CNOT4: variants seen among roughly 807,000 people sequenced by gnomAD.
CNOT4 encodes CCR4-associated factor 4.
A neutral mutation model predicts 73.8 loss-of-function variants in CNOT4; 8 were observed. The ratio of observed to expected loss-of-function variants is 0.11; its 90% confidence interval spans 0.06 to 0.20. The LOEUF (loss-of-function observed/expected upper bound fraction) is 0.20. CNOT4 is among the 10% of genes least tolerant of loss of function. The pLI is 1.00. For missense variants in CNOT4, 564 were observed against 883.4 expected, an observed-to-expected ratio of 0.64 and a Z score of 4.58; for synonymous variants, 293 against 321.1, an observed-to-expected ratio of 0.91 and a Z score of 0.94.
In CNOT4 at chr7:135,394,356, T is replaced by G. The variant is rs772284416; in HGVS notation, c.1189A>C (p.Lys397Gln). 1 of 1,614,058 alleles carries G rather than the reference T, an allele frequency of 6.2e-7. No homozygotes were observed. Among genetic ancestry groups the G allele is most frequent in the Non-Finnish European group, 8.5e-7 (1 of 1,179,896 alleles). Residue 397 changes from lysine to glutamine, a missense_variant, in exon 10 of 12, where the codon AAA (lysine) becomes CAA (glutamine). By Grantham distance (53) the Lys-to-Gln change is moderately conservative (BLOSUM62 1). This residue lies in a region of CNOT4 where 14 missense variants were observed against 60.4 expected (regional missense o/e 0.23). Transcript: ENST00000541284. Reference protein sequence around the residue: ...WQAAFGFGSSKQPEDDLGFDP... With the variant: ...WQAAFGFGSSQQPEDDLGFDP... ...AAACCCAAGTCATCCTCTGGTTGTTTAGAAGAACCAAAGCCAAAAGCTGCT... is the reference window on the plus strand; with the variant it reads ...AAACCCAAGTCATCCTCTGGTTGTTGAGAAGAACCAAAGCCAAAAGCTGCT...
chr7:135,389,381 C>CT (rs34780808), intron 10 of CNOT4, among the ~76,000 whole-genome samples: 17,457 of 151,906 alleles, frequency 0.11, 1,190 homozygotes, highest in African/African-American at 0.19. Flanking sequence ...TAAATATTAA[C>CT]TAGTAAATTA....
intron 10 of CNOT4, among the ~76,000 whole-genome samples, chr7:135,370,707 A>G (rs762265167): frequency 3.9e-5 from 6 of 152,228 alleles, no homozygotes; most frequent in Non-Finnish European, 7.3e-5. Context: ...AGAGCTGGAA[A>G]GTGACTTTCC....
At chr7:135,365,291 A>C (rs1215180851) in intron 10 of CNOT4, among the ~76,000 whole-genome samples, 1 of 152,192 alleles carries the variant, frequency 6.6e-6, no homozygotes, top group Admixed American at 6.5e-5. Flanking sequence ...AAGATGAAGA[A>C]AAAGCACTCT....
rs79721774 is a variant in CNOT4 at position 135,421,982 on chromosome 7, G to A, written c.372+174C>T. On this transcript the variant is annotated intron_variant, in intron 3 of 11. Transcript: ENST00000541284. The stretch of plus-strand genomic sequence containing the variant: ...AAGAAAGATTAAGACACTTGCCTAA[G>A]ATCACGACTGGTCATTGGTTTCTTA... Among the ~76,000 whole-genome samples the A allele has an allele frequency of 4.5e-4, 68 of 152,294 alleles. 1 individual carries two copies. The East Asian group carries it at 9.4e-3, about 21-fold the overall frequency.
chr7:135,368,752 C>G (rs567024953), intron 10 of CNOT4, among the ~76,000 whole-genome samples: 4 of 152,270 alleles, frequency 2.6e-5, no homozygotes, highest in African/African-American at 9.6e-5. Flanking sequence ...ACTAGTCCAA[C>G]TGTTTACTAG....
At chr7:135,471,168 T>C (rs1227434806) in intron 1 of CNOT4, among the ~76,000 whole-genome samples, 2 of 151,988 alleles carry the variant, frequency 1.3e-5, no homozygotes, top group Non-Finnish European at 2.9e-5. Context: ...ACCTTGCAAC[T>C]CTAAACTCTG....
chr7:135,378,459 G>A (rs1471692447), intron 10 of CNOT4, among the ~76,000 whole-genome samples: 5 of 151,464 alleles, frequency 3.3e-5, no homozygotes, highest in South Asian at 4.2e-4. Context: ...AGCCGACGTC[G>A]CACCACTGCC....
Position 135,384,839 on chromosome 7 carries a change from T to C in CNOT4, c.1627+9079A>G, listed in dbSNP as rs1796043007. ...TTGTCTCTTCAACTTTGTTGTCAAA[T>C]GTCTTAACACTAAGTAGTCAATGAT... On this transcript the variant is annotated intron_variant, in intron 10 of 11. Transcript: ENST00000541284. 7 of 699,996 alleles carry C rather than the reference T, an allele frequency of 1.0e-5. No homozygotes were observed. In the Admixed American group the frequency reaches 1.0e-4, roughly 10 times the overall value. 43.4% of individuals were successfully genotyped at this position (699,996 alleles called of 1,614,324 possible).
At chr7:135,387,708 C>A in intron 10 of CNOT4, 2 of 984,646 alleles carry the variant, frequency 2.0e-6, no homozygotes, top group Non-Finnish European at 2.4e-6. Flanking sequence ...AAACTAAGTA[C>A]AGTTTCTTTT....
At chr7:135,369,870 A>G (rs946242006) in intron 10 of CNOT4, among the ~76,000 whole-genome samples, 2 of 152,264 alleles carry the variant, frequency 1.3e-5, no homozygotes, top group African/African-American at 4.8e-5. Context: ...AAGTGACTCA[A>G]ATACAAATGA....
chr7:135,469,307 C>T (rs1367782422), intron 1 of CNOT4, among the ~76,000 whole-genome samples: 1 of 152,084 alleles, frequency 6.6e-6, no homozygotes, highest in Non-Finnish European at 1.5e-5. Flanking sequence ...TGGAATCAGA[C>T]ATATTTAGTA....
chr7:135,375,981 G>GA (rs765811395), intron 10 of CNOT4, among the ~76,000 whole-genome samples: 15 of 150,558 alleles, frequency 1.0e-4, no homozygotes, highest in Non-Finnish European at 1.9e-4. Flanking sequence ...GGGGGTGTTG[G>GA]AAAAATAAGG....
rs143551718 is a variant in CNOT4, at chr7:135,419,920, G to C, written c.372+2236C>G. The stretch of plus-strand genomic sequence containing the variant: ...AAAAAAAAATTAGCTGGGCATGGTG[G>C]TGCACACCTGTAATCCCAGTTCCTC... On this transcript the variant is annotated intron_variant, in intron 3 of 11. Transcript: ENST00000541284. Among the ~76,000 whole-genome samples, 339 of 152,062 alleles carry C rather than the reference G, an allele frequency of 2.2e-3. 13 individuals are homozygous for C. In the East Asian group the frequency reaches 0.054, roughly 24 times the overall value.
rs938062935 is a variant in CNOT4, at chr7:135,364,150, A to G, written c.1628-84T>C. The G allele has an allele frequency of 3.1e-6, 3 of 974,358 alleles. No homozygotes were observed. The highest frequency in any genetic ancestry group is 1.5e-6 in the Non-Finnish European group (1 of 651,398). 60.4% of individuals were successfully genotyped at this position (974,358 alleles called of 1,614,324 possible). ...AACATATGTTGTTCTTTAGTGGTTA[A>G]GCGGGAGAAGAATTATTCTTTCTTT... On this transcript the variant is annotated intron_variant, in intron 10 of 11. Transcript: ENST00000541284. The surrounding 1 kb of genome is among the most constrained non-coding windows in gnomAD (Gnocchi z 4.3).
In CNOT4 at chr7:135,504,641, T is replaced by C. The variant is rs1222822123; in HGVS notation, c.-93+5248A>G. On this transcript the variant is annotated intron_variant, in intron 1 of 11. Transcript: ENST00000541284. ...AGCTGGGACTACAGGCGCCCGCCAC[T>C]ACGCCCGGCTAATTTTTTGTATTTT... is the stretch of plus-strand genomic sequence containing the variant. 2.2e-3 allele frequency among the ~76,000 whole-genome samples: 261 copies of C among 116,718 alleles called. 47 individuals carry two copies. The East Asian group carries it at 0.054, about 24-fold the overall frequency. 76.6% of individuals were successfully genotyped at this position (116,718 alleles called of 152,430 possible). A position where few individuals can be genotyped will look rare whatever the true frequency, so the allele number is the denominator to read the frequency against.
chr7:135,420,737 A>G (rs1798142638), intron 3 of CNOT4, among the ~76,000 whole-genome samples: 1 of 151,986 alleles, frequency 6.6e-6, no homozygotes, highest in Non-Finnish European at 1.5e-5. Flanking sequence ...GAGTTAAAAG[A>G]TGGAGATAAA....
At chr7:135,413,678 TC>T in intron 5 of CNOT4, 65 bp from the exon 6 acceptor site, 1 of 1,518,494 alleles carries the variant, frequency 6.6e-7, no homozygotes, top group Non-Finnish European at 9.0e-7. Context: ...AATGAGAATC[TC>T]CATGTTTAGT....
intron 7 of CNOT4, among the ~76,000 whole-genome samples, chr7:135,402,382 T>G (rs888770118): frequency 1.3e-5 from 2 of 152,216 alleles, no homozygotes; most frequent in Non-Finnish European, 2.9e-5. Context: ...AATGCTGGGA[T>G]TCAGGCGTGA....
chr7:135,409,375 T>C (rs1797471962), intron 7 of CNOT4, among the ~76,000 whole-genome samples: 2 of 152,210 alleles, frequency 1.3e-5, no homozygotes, highest in South Asian at 4.1e-4. Flanking sequence ...TTACATAGTT[T>C]ACTATACAGT....
Sources: gnomAD v4.1 joint callset for allele counts (sites outside exome capture counted in the v4.1 genomes callset) on GRCh38, gnomAD v4.1.1 for gene constraint, gnomAD v4.1.1 regional missense constraint, Gnocchi (gnomAD v3.1) non-coding constraint, MANE v1.5 for transcripts, NCBI Gene and HGNC (gene_info 2026-07-23, HGNC 2026-07-21) for gene names.